TEAD4: variants seen among roughly 807,000 people sequenced by gnomAD.
The protein encoded by TEAD4 is transcriptional enhancer factor TEF-3.
A neutral mutation model predicts 52.4 loss-of-function variants in TEAD4; 36 were observed. The observed-to-expected ratio is 0.69, with a 90% confidence interval of 0.53 to 0.91. The LOEUF is 0.91. Among genes scored for constraint, TEAD4 ranks in the 40% least tolerant of loss-of-function variants. The probability of loss-of-function intolerance (pLI) is 0.00; values close to 1 mark genes in which losing one functional copy is unlikely to be tolerated. For synonymous variants in TEAD4, 220 were observed against 231.0 expected, an observed-to-expected ratio of 0.95 and a Z score of 0.43; for missense variants, 508 against 583.9, an observed-to-expected ratio of 0.87 and a Z score of 1.34.
intron 2 of TEAD4, among the ~76,000 whole-genome samples, chr12:2,992,438 C>G (rs1193891120): frequency 6.6e-6 from 1 of 152,128 alleles, no homozygotes; most frequent in Non-Finnish European, 1.5e-5. Context: ...CTTAGCCCCT[C>G]CCTCCCCTCG....
At chr12:3,031,315 C>A (rs1302145149) in intron 10 of TEAD4, among the ~76,000 whole-genome samples, 1 of 152,220 alleles carries the variant, frequency 6.6e-6, no homozygotes, top group Non-Finnish European at 1.5e-5. Flanking sequence ...TCTTTCCCGG[C>A]ATGGCTCAGG....
At chr12:2,983,089 T>C (rs1181082132) in intron 2 of TEAD4, among the ~76,000 whole-genome samples, 1 of 152,164 alleles carries the variant, frequency 6.6e-6, no homozygotes, top group African/African-American at 2.4e-5. Flanking sequence ...ACTCAGGGCA[T>C]CCATCTGTAC....
chr12:3,022,434 C>T (rs1239216093), intron 10 of TEAD4, among the ~76,000 whole-genome samples: 1 of 152,152 alleles, frequency 6.6e-6, no homozygotes, highest in Admixed American at 6.5e-5. Context: ...CTTCGGTGCT[C>T]GCGTCCAAGG....
intron 2 of TEAD4, among the ~76,000 whole-genome samples, chr12:2,965,351 G>T (rs1034459799): frequency 2.6e-5 from 4 of 150,956 alleles, no homozygotes; most frequent in African/African-American, 9.8e-5. Context: ...GTGGAGGTAG[G>T]GTCTCGCTTT....
At chr12:3,031,601 C>T (rs1361973536) in intron 10 of TEAD4, among the ~76,000 whole-genome samples, 3 of 152,332 alleles carry the variant, frequency 2.0e-5, no homozygotes, top group East Asian at 3.9e-4. Context: ...GTCCTGTGGG[C>T]ACTCCTGTTG....
rs528384294 is a variant in TEAD4 at position 3,020,674 on chromosome 12, G to T, written c.624G>T (p.Ala208=). The stretch of plus-strand genomic sequence containing the variant: ...CAGGGCCCGCCCCATCGCCCTCTGC[G>T]CCCCCGGCACCCCCATGGCAGGGCC... The change falls in exon 9 of 13, where the codon GCG becomes GCT. Residue 208 remains alanine (A), a synonymous_variant. Coordinates refer to ENST00000359864, the MANE Select transcript of TEAD4 (RefSeq NM_003213.4). 3.7e-6 allele frequency: 6 copies of T among 1,603,404 alleles called. No individual in the cohort carries two copies. In the Admixed American group the frequency reaches 8.5e-5, roughly 23 times the overall value.
intron 11 of TEAD4, among the ~76,000 whole-genome samples, chr12:3,039,747 GTA>G (rs2098281540): frequency 6.6e-6 from 1 of 152,190 alleles, no homozygotes; most frequent in African/African-American, 2.4e-5. Context: ...GAATGCAGTG[GTA>G]CGATCTCAGC....
intron 2 of TEAD4, among the ~76,000 whole-genome samples, chr12:2,989,517 C>T (rs1226758602): frequency 6.6e-6 from 1 of 152,188 alleles, no homozygotes; most frequent in East Asian, 1.9e-4. Flanking sequence ...GGGCTCACCG[C>T]AACCTCTACC....
At chr12:2,982,432 G>A (rs891920255) in intron 2 of TEAD4, among the ~76,000 whole-genome samples, 13 of 152,150 alleles carry the variant, frequency 8.5e-5, no homozygotes, top group East Asian at 1.9e-4. Context: ...TGTTCACAGC[G>A]CATGGCCCAG....
At chr12:3,007,674 A>G (rs1234089160) in intron 3 of TEAD4, among the ~76,000 whole-genome samples, 2 of 152,234 alleles carry the variant, frequency 1.3e-5, no homozygotes, top group Non-Finnish European at 2.9e-5. Flanking sequence ...CTGTGAAGCC[A>G]TCACCACCAT....
intron 11 of TEAD4, among the ~76,000 whole-genome samples, chr12:3,039,011 T>C (rs1326821121): frequency 1.3e-5 from 2 of 152,128 alleles, no homozygotes; most frequent in South Asian, 2.1e-4. Context: ...CTTCCCCAGA[T>C]TGGTCTGAAT....
chr12:3,033,082 G>C (rs149348000), intron 10 of TEAD4, among the ~76,000 whole-genome samples: 2 of 152,300 alleles, frequency 1.3e-5, no homozygotes, highest in East Asian at 1.9e-4. Context: ...CTGCCTGGCT[G>C]TTTTCTCAGT....
At chr12:2,990,405 A>T (rs2098242025) in intron 2 of TEAD4, among the ~76,000 whole-genome samples, 1 of 135,624 alleles carries the variant, frequency 7.4e-6, no homozygotes, top group African/African-American at 3.2e-5. Context: ...TTGGTTACAA[A>T]TTCTTTTTTT....
chr12:3,007,334 G>A (rs1253522675), intron 3 of TEAD4, among the ~76,000 whole-genome samples: 1 of 152,194 alleles, frequency 6.6e-6, no homozygotes, highest in Non-Finnish European at 1.5e-5. Context: ...ATGAGAGGAG[G>A]TTCCATTAAC....
At position 2,991,675 on chromosome 12, in the gene TEAD4, AG is replaced by A. The variant is rs372203862; in HGVS notation, c.-29-3062del. Among the ~76,000 whole-genome samples the A allele has an allele frequency of 3.2e-3, 490 of 152,188 alleles. 2 individuals carry two copies. The highest frequency in any genetic ancestry group is 0.011 in the African/African-American group (439 of 41,558). ...AGACTCCGTCCCCCCACAAAAAAAA[AG>A]AAGTTTGTTTTGGAAGTATGGAAAA... On this transcript the variant is annotated intron_variant, in intron 2 of 12. Transcript: ENST00000359864.
chr12:2,995,364 C>T (rs1316112216), intron 3 of TEAD4, among the ~76,000 whole-genome samples: 1 of 152,170 alleles, frequency 6.6e-6, no homozygotes, highest in African/African-American at 2.4e-5. Context: ...TCCCCTCTTT[C>T]CCTCACTCAT....
intron 3 of TEAD4, among the ~76,000 whole-genome samples, chr12:3,010,795 A>C (rs1318575838): frequency 6.6e-6 from 1 of 152,164 alleles, no homozygotes; most frequent in Non-Finnish European, 1.5e-5. Context: ...CTCGGGTTTC[A>C]GTCCCCACAG....
At chr12:2,983,918 G>A (rs1327345331) in intron 2 of TEAD4, among the ~76,000 whole-genome samples, 1 of 152,230 alleles carries the variant, frequency 6.6e-6, no homozygotes, top group African/African-American at 2.4e-5. Flanking sequence ...AGTCCTTACT[G>A]GGAGATGGGG....
At chr12:3,010,383 A>G (rs1026616429) in intron 3 of TEAD4, among the ~76,000 whole-genome samples, 4 of 152,230 alleles carry the variant, frequency 2.6e-5, no homozygotes, top group Non-Finnish European at 5.9e-5. Context: ...AGAGTGCTCA[A>G]CCTTCCTTGT....
Sources: gnomAD v4.1 joint callset for allele counts (sites outside exome capture counted in the v4.1 genomes callset) on GRCh38, gnomAD v4.1.1 for gene constraint, MANE v1.5 for transcripts, NCBI Gene and HGNC (gene_info 2026-07-23, HGNC 2026-07-21) for gene names.